Variants in CACNA2D1 observed in about 807,000 individuals in gnomAD.
The protein encoded by CACNA2D1 is voltage-dependent calcium channel subunit alpha-2/delta-1.
CACNA2D1 carries 53 observed loss-of-function variants against 171.5 expected under a neutral mutation model. The observed-to-expected ratio is 0.31, with a 90% confidence interval of 0.25 to 0.39. CACNA2D1 has a LOEUF of 0.39. Ranked by LOEUF, CACNA2D1 falls within the 10% of genes least tolerant of loss-of-function variation. The probability of loss-of-function intolerance (pLI) is 1.00; values close to 1 mark genes in which losing one functional copy is unlikely to be tolerated. For synonymous variants in CACNA2D1, 442 were observed against 443.1 expected, an observed-to-expected ratio of 1.00 and a Z score of 0.03; for missense variants, 903 against 1,299.8, an observed-to-expected ratio of 0.69 and a Z score of 4.69.
chr7:82,014,401 C>A lies in CACNA2D1; in HGVS notation c.1222G>T (p.Gly408Cys). 1 of 1,536,604 alleles carries A rather than the reference C, an allele frequency of 6.5e-7. No individual in the cohort carries two copies. Among genetic ancestry groups the A allele is most frequent in the African/African-American group, 1.4e-5 (1 of 73,364 alleles). The change falls in exon 13 of 39, where the codon GGT becomes TGT. Residue 408 changes from glycine to cysteine, a missense_variant and splice_region_variant. Coordinates refer to ENST00000356860, the MANE Select transcript of CACNA2D1 (RefSeq NM_000722.4). ...TATTAGAAGAAAACAGATTTGTTAC[C>A]TTTGTTTTCACAGGCCATCCACTGA... ...PIQWMACENK[G>C]YYYEIPSIGA...
At chr7:82,412,985 T>G (rs1827831070) in intron 1 of CACNA2D1, among the ~76,000 whole-genome samples, 1 of 152,142 alleles carries the variant, frequency 6.6e-6, no homozygotes, top group East Asian at 1.9e-4. Flanking sequence ...AACAGTTTGT[T>G]AAAAGTATTT....
chr7:82,113,017 G>A (rs1212384979), intron 6 of CACNA2D1, among the ~76,000 whole-genome samples: 1 of 152,054 alleles, frequency 6.6e-6, no homozygotes, highest in Non-Finnish European at 1.5e-5. Flanking sequence ...TTATCAAAAT[G>A]AAGATATCTT....
intron 3 of CACNA2D1, among the ~76,000 whole-genome samples, chr7:82,189,288 T>C (rs1363747638): frequency 6.6e-6 from 1 of 151,958 alleles, no homozygotes; most frequent in Non-Finnish European, 1.5e-5. Context: ...ATAAATGAGA[T>C]TACTTAGTGG....
At chr7:82,143,995 T>C (rs1444379862) in intron 4 of CACNA2D1, among the ~76,000 whole-genome samples, 1 of 152,132 alleles carries the variant, frequency 6.6e-6, no homozygotes, top group Non-Finnish European at 1.5e-5. Context: ...GGCTAGTAAA[T>C]CACATCACCC....
At chr7:82,038,460 C>G (rs149711402) in intron 10 of CACNA2D1, among the ~76,000 whole-genome samples, 3 of 152,092 alleles carry the variant, frequency 2.0e-5, no homozygotes, top group Non-Finnish European at 4.4e-5. Context: ...ATTCCCGAAG[C>G]CTGCTTTCCC....
chr7:82,231,596 TATAGTA>T (rs1802939631), intron 3 of CACNA2D1, among the ~76,000 whole-genome samples: 1 of 152,142 alleles, frequency 6.6e-6, no homozygotes, highest in Admixed American at 6.6e-5. Context: ...AATCACATTG[TATAGTA>T]AGTAGAAATC....
intron 21 of CACNA2D1, among the ~76,000 whole-genome samples, chr7:81,985,403 T>A (rs758701615): frequency 6.6e-6 from 1 of 151,988 alleles, no homozygotes; most frequent in Non-Finnish European, 1.5e-5. Context: ...GTTTACACTA[T>A]GTTGCCCAGG....
chr7:82,326,148 G>T (rs1346518356), intron 3 of CACNA2D1, among the ~76,000 whole-genome samples: 1 of 152,078 alleles, frequency 6.6e-6, no homozygotes, highest in Non-Finnish European at 1.5e-5. Flanking sequence ...TATCTTACTT[G>T]TTCATATTAA....
chr7:82,393,314 A>G (rs1177273337), intron 1 of CACNA2D1, among the ~76,000 whole-genome samples: 1 of 152,340 alleles, frequency 6.6e-6, no homozygotes, highest in East Asian at 1.9e-4. Context: ...TCTTATACAA[A>G]GAACAGCAGT....
At chr7:82,268,932 C>A (rs1808270777) in intron 3 of CACNA2D1, among the ~76,000 whole-genome samples, 1 of 151,996 alleles carries the variant, frequency 6.6e-6, no homozygotes, top group Admixed American at 6.6e-5. Context: ...GTGGTTCTGG[C>A]CAGAACAGGA....
chr7:82,114,654 G>A (rs946602191), intron 6 of CACNA2D1, among the ~76,000 whole-genome samples: 4 of 151,936 alleles, frequency 2.6e-5, no homozygotes, highest in African/African-American at 9.7e-5. Flanking sequence ...TACTCAGGAG[G>A]CTGAAGCAGG....
chr7:81,951,522 T>C (rs918853763), intron 38 of CACNA2D1, among the ~76,000 whole-genome samples: 4 of 151,984 alleles, frequency 2.6e-5, no homozygotes, highest in Non-Finnish European at 5.9e-5. Flanking sequence ...GTCCCCAAAG[T>C]CCATTATATC....
chr7:82,212,667 A>G (rs1025320092), intron 3 of CACNA2D1, among the ~76,000 whole-genome samples: 1 of 152,220 alleles, frequency 6.6e-6, no homozygotes, highest in South Asian at 2.1e-4. Context: ...TCATGGCTGA[A>G]GCCATTTGCC....
rs954315677 is a variant in CACNA2D1, at chr7:82,129,236, T to C, written c.396+7399A>G. Among the ~76,000 whole-genome samples the C allele has an allele frequency of 5.9e-5, 9 of 152,364 alleles. No homozygotes were observed. In the East Asian group the frequency reaches 1.2e-3, roughly 20 times the overall value. On this transcript the variant is annotated intron_variant, in intron 5 of 38. Coordinates refer to ENST00000356860, the MANE Select transcript of CACNA2D1 (RefSeq NM_000722.4). Reference sequence around the variant, plus strand: ...GAGCAAGTTTTTGGTATAAATGTTCTTGACTTTTAAAAATCTTTGTCTGAA... The same window carrying C: ...GAGCAAGTTTTTGGTATAAATGTTCCTGACTTTTAAAAATCTTTGTCTGAA...
intron 1 of CACNA2D1, among the ~76,000 whole-genome samples, chr7:82,353,477 A>G (rs1052871866): frequency 2.6e-5 from 4 of 152,170 alleles, no homozygotes; most frequent in African/African-American, 9.7e-5. Flanking sequence ...ATGGGTTTAA[A>G]GCTCTTGAAA....
intron 1 of CACNA2D1, among the ~76,000 whole-genome samples, chr7:82,430,797 A>T (rs891024437): frequency 6.6e-6 from 1 of 152,160 alleles, no homozygotes; most frequent in African/African-American, 2.4e-5. Flanking sequence ...ACTATCCTGC[A>T]CTTGCTCAAT....
intron 3 of CACNA2D1, among the ~76,000 whole-genome samples, chr7:82,220,273 A>T (rs915192222): frequency 2.0e-4 from 31 of 152,040 alleles, no homozygotes; most frequent in African/African-American, 7.2e-4. Flanking sequence ...GACGGTAATT[A>T]TTTTTTTTAA....
At chr7:82,283,843 T>C (rs1810426635) in intron 3 of CACNA2D1, among the ~76,000 whole-genome samples, 1 of 152,074 alleles carries the variant, frequency 6.6e-6, no homozygotes, top group Non-Finnish European at 1.5e-5. Flanking sequence ...GAGAACATGA[T>C]TCTAGAATGA....
chr7:81,972,620 G>C (rs1198644589), intron 25 of CACNA2D1, among the ~76,000 whole-genome samples: 1 of 151,808 alleles, frequency 6.6e-6, no homozygotes, highest in Non-Finnish European at 1.5e-5. Context: ...GGAAACAGGT[G>C]ATGAGGATCA....
Sources: allele counts gnomAD v4.1 joint callset (sites outside exome capture counted in the v4.1 genomes callset), GRCh38; gene constraint gnomAD v4.1.1; transcripts MANE v1.5; gene names NCBI Gene and HGNC (gene_info 2026-07-23, HGNC 2026-07-21).